TMPRSS15: variants seen among roughly 807,000 people sequenced by gnomAD.
The protein encoded by TMPRSS15 is enteropeptidase.
TMPRSS15 carries 128 observed loss-of-function variants against 125.3 expected under a neutral mutation model. That is an observed-to-expected ratio of 1.02 (90% CI 0.89 to 1.18). The LOEUF is 1.18. Among genes scored for constraint, TMPRSS15 ranks in the 50% most tolerant of loss-of-function variants. TMPRSS15 has a pLI of 0.00. For synonymous variants in TMPRSS15, 446 were observed against 423.2 expected, an observed-to-expected ratio of 1.05 and a Z score of -0.66; for missense variants, 1,283 against 1,212.7, an observed-to-expected ratio of 1.06 and a Z score of -0.86.
intron 8 of TMPRSS15, among the ~76,000 whole-genome samples, chr21:18,356,265 T>C (rs765942557): frequency 1.3e-5 from 2 of 151,786 alleles, no homozygotes; most frequent in African/African-American, 4.8e-5. Context: ...AGACCAACTT[T>C]CTACAGAATA....
intron 1 of TMPRSS15, among the ~76,000 whole-genome samples, chr21:18,483,325 G>A (rs577792165): frequency 6.6e-6 from 1 of 151,656 alleles, no homozygotes; most frequent in Non-Finnish European, 1.5e-5. Context: ...ACAGCAGTTC[G>A]CTTCTCTACA....
At chr21:18,275,380 A>T in intron 23 of TMPRSS15, 44 bp from the exon 24 acceptor site, 1 of 1,611,222 alleles carries the variant, frequency 6.2e-7, no homozygotes. Flanking sequence ...GAAGTGATCA[A>T]CATGCATCCT....
intron 1 of TMPRSS15, among the ~76,000 whole-genome samples, chr21:18,485,149 C>A (rs1263160809): frequency 1.3e-5 from 2 of 151,722 alleles, no homozygotes; most frequent in Non-Finnish European, 2.9e-5. Flanking sequence ...AAATTTTACT[C>A]TAATGTCTTT....
intron 16 of TMPRSS15, among the ~76,000 whole-genome samples, chr21:18,316,593 T>TGTGCTTG (rs2075169569): frequency 6.6e-6 from 1 of 152,188 alleles, no homozygotes. Flanking sequence ...GGCATGGGCA[T>TGTGCTTG]GTGCTTGGCA....
chr21:18,294,888 C>T (rs2074883774), intron 19 of TMPRSS15, among the ~76,000 whole-genome samples: 1 of 152,038 alleles, frequency 6.6e-6, no homozygotes, highest in Non-Finnish European at 1.5e-5. Flanking sequence ...ACTCAATATC[C>T]CTGAGACCCA....
chr21:18,398,027 T>C lies in TMPRSS15; in HGVS notation c.277-81A>G, dbSNP rs1248223226. 17 of 1,239,966 alleles carry C rather than the reference T, an allele frequency of 1.4e-5. No individual in the cohort carries two copies. The Admixed American group carries it at 3.4e-4, about 24-fold the overall frequency. The allele number at this position is 1,239,966 out of a possible 1,614,324, so 76.8% of individuals were successfully genotyped here. A position where few individuals can be genotyped will look rare whatever the true frequency, so the allele number is the denominator to read the frequency against. The stretch of plus-strand genomic sequence containing the variant: ...TTGAAAAATTTATACAAAGCAATCT[T>C]TATGTTCTGCTTAGAGTTGGGGCAA... On this transcript the variant is annotated intron_variant, in intron 2 of 24. Transcript: ENST00000284885.
intron 1 of TMPRSS15, among the ~76,000 whole-genome samples, chr21:18,472,455 TTATATATA>T (rs34604020): frequency 7.3e-4 from 105 of 143,048 alleles, no homozygotes; most frequent in East Asian, 1.8e-3. Context: ...GCTAAAAGAA[TTATATATA>T]TATATATATA....
intron 13 of TMPRSS15, among the ~76,000 whole-genome samples, chr21:18,334,228 G>A (rs1210027915): frequency 6.6e-6 from 1 of 152,174 alleles, no homozygotes; most frequent in Non-Finnish European, 1.5e-5. Context: ...TGCATATGAT[G>A]GGACAGGAAG....
intron 16 of TMPRSS15, among the ~76,000 whole-genome samples, chr21:18,321,594 G>GC (rs1394564547): frequency 6.6e-6 from 1 of 152,014 alleles, no homozygotes; most frequent in African/African-American, 2.4e-5. Context: ...CTCTCGATCC[G>GC]CCCGCCTTGG....
chr21:18,446,694 GA>G (rs2076256450), intron 1 of TMPRSS15, among the ~76,000 whole-genome samples: 1 of 152,140 alleles, frequency 6.6e-6, no homozygotes, highest in African/African-American at 2.4e-5. Context: ...TAAGGAAAAA[GA>G]CAGTCTCTTC....
At chr21:18,413,307 TTTCTTTTCCTTCC>T (rs796164167) in intron 1 of TMPRSS15, among the ~76,000 whole-genome samples, 11 of 80,224 alleles carry the variant, frequency 1.4e-4, no homozygotes, top group African/African-American at 4.9e-4. Context: ...CTTTCTTTTC[TTTCTTTTCCTTCC>T]TTCCTTCCTT....
rs747858941 is a variant in TMPRSS15 at position 18,359,852 on chromosome 21, C to G, written c.785G>C (p.Gly262Ala). The change falls in exon 8 of 25, where the codon GGA becomes GCA. Residue 262 changes from glycine (G) to alanine (A), a missense_variant. Coordinates refer to ENST00000284885, the MANE Select transcript of TMPRSS15 (RefSeq NM_002772.3). ...VCQWIIRVNQ[G>A]LSIKLSFDDF... The stretch of plus-strand genomic sequence containing the variant: ...ATCGAAGCTCAGTTTAATGGAAAGT[C>G]CTTGGTTTACACTAAATTAAAAGCA... 1.3e-6 allele frequency: 2 copies of G among 1,492,278 alleles called. No individual in the cohort carries two copies. Among genetic ancestry groups the G allele is most frequent in the South Asian group, 2.3e-5 (2 of 88,256 alleles). 92.4% of individuals were successfully genotyped at this position (1,492,278 alleles called of 1,614,324 possible). A position where few individuals can be genotyped will look rare whatever the true frequency, so the allele number is the denominator to read the frequency against.
In TMPRSS15 at chr21:18,379,305, G is replaced by T. The variant is rs2075871099; in HGVS notation, c.510C>A (p.Thr170=). 6.8e-6 allele frequency: 9 copies of T among 1,331,384 alleles called. No homozygotes were observed. Among genetic ancestry groups the T allele is most frequent in the Non-Finnish European group, 8.9e-6 (9 of 1,013,408 alleles). 82.5% of individuals were successfully genotyped at this position (1,331,384 alleles called of 1,614,324 possible). A position where few individuals can be genotyped will look rare whatever the true frequency, so the allele number is the denominator to read the frequency against. The change falls in exon 5 of 25, where the codon ACC becomes ACA. Residue 170 remains threonine, a synonymous_variant. Transcript: ENST00000284885. Reference sequence around the variant, plus strand: ...GACCTGGAGTTGCCAGATGACTGGTGGTTGTTAGCTTGTCTGAAAAATAAA... The same window carrying T: ...GACCTGGAGTTGCCAGATGACTGGTTGTTGTTAGCTTGTCTGAAAAATAAA... ...NSVDILDKLT[T]TSHLATPGNV...
At chr21:18,460,624 G>A (rs1487911441) in intron 1 of TMPRSS15, 1 of 152,240 alleles carries the variant, frequency 6.6e-6, no homozygotes, top group Non-Finnish European at 1.5e-5. Flanking sequence ...TGGCAGGTGG[G>A]AGACCCAGAG....
intron 1 of TMPRSS15, among the ~76,000 whole-genome samples, chr21:18,476,024 TTAA>T (rs1379091752): frequency 1.3e-5 from 2 of 152,312 alleles, no homozygotes; most frequent in Admixed American, 1.3e-4. Context: ...AAGTTAAGTA[TTAA>T]TGAGAATTGT....
intron 8 of TMPRSS15, among the ~76,000 whole-genome samples, chr21:18,355,088 G>A (rs970804524): frequency 6.6e-6 from 1 of 151,816 alleles, no homozygotes; most frequent in Non-Finnish European, 1.5e-5. Context: ...TTTTTATGAA[G>A]AACTATTATT....
Position 18,403,678 on chromosome 21 carries a change from A to G in TMPRSS15, c.-56T>C. The G allele has an allele frequency of 6.2e-7, 1 of 1,608,384 alleles. No individual in the cohort carries two copies. The highest frequency in any genetic ancestry group is 8.5e-7 in the Non-Finnish European group (1 of 1,175,798). The stretch of plus-strand genomic sequence containing the variant: ...ACTGAAAGAGAATATAAATAATTCT[A>G]CCAACTGAAGAGAAAAATCTCTCAA... On this transcript the variant is annotated 5_prime_UTR_variant, in exon 1 of 25. Coordinates refer to ENST00000284885, the MANE Select transcript of TMPRSS15 (RefSeq NM_002772.3).
intron 1 of TMPRSS15, among the ~76,000 whole-genome samples, chr21:18,422,682 G>A (rs191090490): frequency 1.2e-3 from 180 of 152,236 alleles, no homozygotes; most frequent in Admixed American, 2.7e-3. Context: ...AATAGCCTAC[G>A]GTATCAAAGC....
At chr21:18,444,860 CT>C (rs2076251446) in intron 1 of TMPRSS15, among the ~76,000 whole-genome samples, 1 of 152,166 alleles carries the variant, frequency 6.6e-6, no homozygotes, top group Non-Finnish European at 1.5e-5. Context: ...CTTACCTCCT[CT>C]CCTTCCAAAC....
Sources: allele counts gnomAD v4.1 joint callset (sites outside exome capture counted in the v4.1 genomes callset), GRCh38; gene constraint gnomAD v4.1.1; transcripts MANE v1.5; gene names NCBI Gene and HGNC (gene_info 2026-07-23, HGNC 2026-07-21).